The following IGSF21 variants were observed in gnomAD, a reference collection of about 807,000 sequenced individuals.
The protein encoded by IGSF21 is immunoglobin superfamily member 21.
IGSF21 carries 28 observed loss-of-function variants against 46.8 expected under a neutral mutation model. The observed-to-expected ratio is 0.60, with a 90% CI of 0.44 to 0.82. IGSF21 has a LOEUF of 0.82. IGSF21 is among the 40% of genes least tolerant of loss of function. The probability of loss-of-function intolerance (pLI) is 0.00; values close to 1 mark genes in which losing one functional copy is unlikely to be tolerated. For synonymous variants in IGSF21, 284 were observed against 273.6 expected, an observed-to-expected ratio of 1.04 and a Z score of -0.38; for missense variants, 624 against 665.5, an observed-to-expected ratio of 0.94 and a Z score of 0.69.
intron 2 of IGSF21, among the ~76,000 whole-genome samples, chr1:18,237,101 G>C (rs2084680310): frequency 6.6e-6 from 1 of 152,212 alleles, no homozygotes; most frequent in African/African-American, 2.4e-5. Flanking sequence ...CAAGCCCACT[G>C]TCTTTTCCTA....
At chr1:18,376,650 A>G (rs1488933555) in intron 7 of IGSF21, 150 bp from the exon 8 acceptor site, 2 of 720,740 alleles carry the variant, frequency 2.8e-6, no homozygotes, top group Admixed American at 2.7e-5. Flanking sequence ...TAAGTCCCAG[A>G]CTCCTCCTCC....
chr1:18,259,702 G>A (rs2124535154), intron 2 of IGSF21, among the ~76,000 whole-genome samples: 2 of 152,298 alleles, frequency 1.3e-5, no homozygotes, highest in South Asian at 4.1e-4. Flanking sequence ...ACACACATAG[G>A]ATGAGGAATG....
chr1:18,250,357 A>G (rs1334839133), intron 2 of IGSF21, among the ~76,000 whole-genome samples: 9 of 151,902 alleles, frequency 5.9e-5, no homozygotes, highest in Non-Finnish European at 1.5e-5. Flanking sequence ...AAGACAGAGT[A>G]AGTGCTTTTG....
chr1:18,136,109 G>T (rs1204173708), intron 1 of IGSF21, among the ~76,000 whole-genome samples: 1 of 152,124 alleles, frequency 6.6e-6, no homozygotes, highest in Non-Finnish European at 1.5e-5. Flanking sequence ...TGATGGGGTT[G>T]TTTTTTTCTT....
chr1:18,294,952 C>A (rs571142398), intron 3 of IGSF21, among the ~76,000 whole-genome samples: 1 of 152,224 alleles, frequency 6.6e-6, no homozygotes, highest in Non-Finnish European at 1.5e-5. Context: ...TGCATCTCAA[C>A]GAGAGAGAGT....
intron 1 of IGSF21, among the ~76,000 whole-genome samples, chr1:18,138,033 C>T (rs1473711375): frequency 6.6e-6 from 1 of 152,092 alleles, no homozygotes; most frequent in African/African-American, 2.4e-5. Context: ...CTTTCTCTCC[C>T]TGTCTTTGGC....
At chr1:18,164,341 T>C (rs1034284211) in intron 1 of IGSF21, among the ~76,000 whole-genome samples, 1 of 151,730 alleles carries the variant, frequency 6.6e-6, no homozygotes, top group East Asian at 1.9e-4. Flanking sequence ...CTGACCCCCT[T>C]CTTTCCTTCC....
chr1:18,273,213 G>A (rs866164384), intron 2 of IGSF21, among the ~76,000 whole-genome samples: 4 of 151,460 alleles, frequency 2.6e-5, no homozygotes, highest in Admixed American at 6.6e-5. Flanking sequence ...GCTAATTTTT[G>A]TATTTTTAGT....
chr1:18,328,778 C>T (rs943205605), intron 3 of IGSF21, among the ~76,000 whole-genome samples: 18 of 152,250 alleles, frequency 1.2e-4, no homozygotes, highest in African/African-American at 3.9e-4. Context: ...TTCCTGTGTC[C>T]TCACAGCTCC....
intron 1 of IGSF21, among the ~76,000 whole-genome samples, chr1:18,197,016 A>G (rs1277545923): frequency 2.0e-5 from 3 of 152,022 alleles, no homozygotes; most frequent in Non-Finnish European, 4.4e-5. Flanking sequence ...CCGGCTGCTG[A>G]TGGTTATCTG....
chr1:18,201,954 C>T (rs1018093846), intron 1 of IGSF21, among the ~76,000 whole-genome samples: 4 of 152,182 alleles, frequency 2.6e-5, no homozygotes, highest in Admixed American at 2.0e-4. Flanking sequence ...TCAGTCCTCC[C>T]TCCGTTCCTG....
At chr1:18,240,545 G>A (rs905074613) in intron 2 of IGSF21, among the ~76,000 whole-genome samples, 4 of 152,218 alleles carry the variant, frequency 2.6e-5, no homozygotes, top group African/African-American at 7.2e-5. Context: ...TGTCCTGTTT[G>A]TCTTTCTCTC....
chr1:18,347,159 ACCCT>A (rs944147938), intron 4 of IGSF21, among the ~76,000 whole-genome samples: 38 of 151,500 alleles, frequency 2.5e-4, no homozygotes, highest in African/African-American at 9.0e-4. Context: ...GGCTTCTAGA[ACCCT>A]CCCTCCCTCC....
At chr1:18,244,699 G>T (rs544914821) in intron 2 of IGSF21, among the ~76,000 whole-genome samples, 70 of 152,240 alleles carry the variant, frequency 4.6e-4, no homozygotes, top group African/African-American at 1.3e-3. Flanking sequence ...AAAGGAAACT[G>T]GTAATTGCAC....
At chr1:18,216,160 T>C (rs2084443498) in intron 1 of IGSF21, among the ~76,000 whole-genome samples, 1 of 152,120 alleles carries the variant, frequency 6.6e-6, no homozygotes, top group Non-Finnish European at 1.5e-5. Flanking sequence ...ACCATCACAT[T>C]GAACCTGGAA....
intron 1 of IGSF21, among the ~76,000 whole-genome samples, chr1:18,122,584 T>C (rs1361232338): frequency 6.6e-6 from 1 of 152,012 alleles, no homozygotes; most frequent in Non-Finnish European, 1.5e-5. Context: ...TTCCAGGGAA[T>C]AATGTATGGG....
chr1:18,262,121 G>A (rs114873218), intron 2 of IGSF21, among the ~76,000 whole-genome samples: 1,584 of 152,258 alleles, frequency 0.01, 17 homozygotes, highest in Non-Finnish European at 0.016. Flanking sequence ...AAACTCCCAG[G>A]TGCTACTGAT....
chr1:18,128,431 G>A (rs1035216258), intron 1 of IGSF21, among the ~76,000 whole-genome samples: 7 of 152,266 alleles, frequency 4.6e-5, no homozygotes, highest in Non-Finnish European at 7.3e-5. Flanking sequence ...TGGCCAGGGC[G>A]TATGTTTGTA....
At chr1:18,354,094 T>A (rs1315689650) in intron 4 of IGSF21, among the ~76,000 whole-genome samples, 2 of 152,146 alleles carry the variant, frequency 1.3e-5, no homozygotes, top group African/African-American at 4.8e-5. Context: ...GCAATGAGTA[T>A]GAAAAGCACA....
Sources: gnomAD v4.1 joint callset for allele counts (sites outside exome capture counted in the v4.1 genomes callset) on GRCh38, gnomAD v4.1.1 for gene constraint, MANE v1.5 for transcripts, NCBI Gene and HGNC (gene_info 2026-07-23, HGNC 2026-07-21) for gene names.